ADGRB3: variants seen among roughly 807,000 people sequenced by gnomAD.
ADGRB3 encodes the protein adhesion G protein-coupled receptor B3.
ADGRB3 carries 37 observed loss-of-function variants against 193.4 expected under a neutral mutation model. The observed-to-expected ratio is 0.19, with a 90% CI of 0.15 to 0.25. The LOEUF is 0.25. Ranked by LOEUF, ADGRB3 falls within the 10% of genes least tolerant of loss-of-function variation. ADGRB3 has a pLI of 1.00. For synonymous variants in ADGRB3, 690 were observed against 644.2 expected (o/e 1.07, Z -1.08); for missense variants, 1,637 against 1,852.9 (o/e 0.88, Z 2.14).
chr6:68,879,687 T>C (rs1414056745), intron 3 of ADGRB3, among the ~76,000 whole-genome samples: 1 of 152,166 alleles, frequency 6.6e-6, no homozygotes, highest in Admixed American at 6.5e-5. Flanking sequence ...CTTTCTTTGT[T>C]GCAACATGAG....
At chr6:69,333,931 AAAAACAAAATAAAATAAAATAAAAT>A (rs1360289019) in intron 24 of ADGRB3, among the ~76,000 whole-genome samples, 2 of 132,966 alleles carry the variant, frequency 1.5e-5, no homozygotes, top group African/African-American at 5.6e-5. Context: ...CTCTGTCTCA[AAAAACAAAATAAAATAAAATAAAAT>A]AAAATAAAAT....
chr6:68,801,861 A>G (rs1367087262), intron 3 of ADGRB3, among the ~76,000 whole-genome samples: 1 of 152,160 alleles, frequency 6.6e-6, no homozygotes, highest in African/African-American at 2.4e-5. Flanking sequence ...ATGTACAGAC[A>G]TGGCTGAACT....
At chr6:69,358,326 A>T (rs990938588) in intron 28 of ADGRB3, among the ~76,000 whole-genome samples, 1 of 151,804 alleles carries the variant, frequency 6.6e-6, no homozygotes, top group Admixed American at 6.6e-5. Flanking sequence ...GATAATTTTG[A>T]TGCATGCTAA....
chr6:68,713,966 A>G (rs935677838), intron 3 of ADGRB3, among the ~76,000 whole-genome samples: 16 of 151,728 alleles, frequency 1.1e-4, no homozygotes, highest in Admixed American at 9.2e-4. Context: ...TATATTATGC[A>G]TTAAAATTAT....
chr6:69,056,844 T>C (rs1394067768), intron 15 of ADGRB3, among the ~76,000 whole-genome samples: 1 of 152,206 alleles, frequency 6.6e-6, no homozygotes, highest in Non-Finnish European at 1.5e-5. Context: ...AAATAATCAT[T>C]ACTGTAGCTT....
intron 24 of ADGRB3, among the ~76,000 whole-genome samples, chr6:69,335,969 G>T (rs1304787171): frequency 6.6e-6 from 1 of 151,922 alleles, no homozygotes; most frequent in Non-Finnish European, 1.5e-5. Flanking sequence ...ATAAGTGAAT[G>T]TTTAATAAAT....
intron 3 of ADGRB3, among the ~76,000 whole-genome samples, chr6:68,709,313 T>C (rs1261587490): frequency 6.6e-6 from 1 of 152,192 alleles, no homozygotes; most frequent in Admixed American, 6.5e-5. Flanking sequence ...CATATTCTAA[T>C]GCATTTTACA....
intron 17 of ADGRB3, among the ~76,000 whole-genome samples, chr6:69,141,290 A>AT (rs1298447217): frequency 8.6e-5 from 13 of 151,948 alleles, no homozygotes; most frequent in Admixed American, 6.6e-4. Flanking sequence ...TGCCCGGCTA[A>AT]TTTTTTGTAT....
intron 10 of ADGRB3, among the ~76,000 whole-genome samples, chr6:68,988,590 G>T (rs1002614330): frequency 3.3e-5 from 5 of 152,118 alleles, no homozygotes; most frequent in Admixed American, 6.6e-5. Context: ...TCTCTCAAAA[G>T]AAAGACCTAG....
At chr6:68,872,453 C>T (rs575200673) in intron 3 of ADGRB3, among the ~76,000 whole-genome samples, 36 of 152,062 alleles carry the variant, frequency 2.4e-4, no homozygotes, top group African/African-American at 6.5e-4. Flanking sequence ...AAAAAGGAAA[C>T]GTATAAGAAG....
chr6:69,291,938 C>A (rs866619505), intron 20 of ADGRB3, among the ~76,000 whole-genome samples: 1 of 151,972 alleles, frequency 6.6e-6, no homozygotes, highest in Admixed American at 6.6e-5. Flanking sequence ...CTCCCTATAC[C>A]GAGAGGAAAG....
At chr6:69,007,559 A>T (rs1769795004) in intron 11 of ADGRB3, among the ~76,000 whole-genome samples, 2 of 150,926 alleles carry the variant, frequency 1.3e-5, no homozygotes, top group Admixed American at 1.3e-4. Flanking sequence ...TTCTTCTGGA[A>T]CTCTCTTCCT....
At chr6:68,929,166 A>G (rs574229369) in intron 3 of ADGRB3, among the ~76,000 whole-genome samples, 47 of 152,298 alleles carry the variant, frequency 3.1e-4, no homozygotes, top group Admixed American at 1.7e-3. Flanking sequence ...GATAAGCAGA[A>G]TCAGCTACAG....
intron 8 of ADGRB3, among the ~76,000 whole-genome samples, chr6:68,966,335 C>T (rs562086980): frequency 6.6e-6 from 1 of 152,144 alleles, no homozygotes; most frequent in African/African-American, 2.4e-5. Context: ...GCAGGCATAG[C>T]AAGCATTTAA....
At chr6:69,302,592 C>T (rs1176367309) in intron 20 of ADGRB3, among the ~76,000 whole-genome samples, 1 of 151,816 alleles carries the variant, frequency 6.6e-6, no homozygotes, top group Non-Finnish European at 1.5e-5. Context: ...ATGTAAGAGT[C>T]ATAAAAATAT....
chr6:69,147,726 C>T (rs567055950), intron 17 of ADGRB3, among the ~76,000 whole-genome samples: 65 of 152,172 alleles, frequency 4.3e-4, no homozygotes, highest in Non-Finnish European at 7.4e-4. Flanking sequence ...ATGTGTCCAA[C>T]GGTGAAAATT....
At chr6:69,046,236 CTTTA>C (rs1395980426) in intron 13 of ADGRB3, among the ~76,000 whole-genome samples, 1 of 152,042 alleles carries the variant, frequency 6.6e-6, no homozygotes, top group Admixed American at 6.5e-5. Context: ...GTCAGAAAAT[CTTTA>C]TTTCTTTTCA....
intron 3 of ADGRB3, among the ~76,000 whole-genome samples, chr6:68,852,231 G>T (rs930569682): frequency 1.3e-5 from 2 of 151,772 alleles, no homozygotes; most frequent in Admixed American, 6.6e-5. Context: ...TTATCTTAAT[G>T]TAGCCTTGAA....
chr6:69,149,441 CT>C (rs1774604070), intron 17 of ADGRB3, among the ~76,000 whole-genome samples: 1 of 151,902 alleles, frequency 6.6e-6, no homozygotes, highest in Non-Finnish European at 1.5e-5. Context: ...TCCTGAACTC[CT>C]TCTCTGTGTT....
Sources: allele counts gnomAD v4.1 joint callset (sites outside exome capture counted in the v4.1 genomes callset), GRCh38; gene constraint gnomAD v4.1.1; transcripts MANE v1.5; gene names NCBI Gene and HGNC (gene_info 2026-07-23, HGNC 2026-07-21).